The following SLC22A23 variants were observed in gnomAD, a reference collection of about 807,000 sequenced individuals.
The protein encoded by SLC22A23 is solute carrier family 22 member 23.
Under a neutral mutation model 61.0 loss-of-function variants are expected in SLC22A23, and 26 were observed. The observed-to-expected ratio is 0.43, with a 90% CI of 0.31 to 0.59. The LOEUF (loss-of-function observed/expected upper bound fraction) is 0.59, where lower values mean the gene tolerates loss of function less well. SLC22A23 is among the 20% of genes least tolerant of loss of function. SLC22A23 has a pLI of 0.11. For missense variants in SLC22A23, 796 were observed against 934.7 expected (o/e 0.85, Z 1.94); for synonymous variants, 430 against 413.9 (o/e 1.04, Z -0.47).
Position 3,341,092 on chromosome 6 carries a change from C to T in SLC22A23, c.914-17090G>A, listed in dbSNP as rs79667344. ...CTCCTGGCTCTGAAGGACACACATTCGGAACATACAGCATTTAATATAGAG... is the reference window on the plus strand; with the variant it reads ...CTCCTGGCTCTGAAGGACACACATTTGGAACATACAGCATTTAATATAGAG... On this transcript the variant is annotated intron_variant, in intron 3 of 9. Coordinates refer to ENST00000406686, the MANE Select transcript of SLC22A23 (RefSeq NM_015482.2). Among the ~76,000 whole-genome samples the T allele has an allele frequency of 3.7e-3, 568 of 152,262 alleles. 2 individuals are homozygous for T. The highest frequency in any genetic ancestry group is 6.8e-3 in the Middle Eastern group (2 of 294).
rs762038656 is a variant in SLC22A23, at chr6:3,289,825, T to G, written c.1252A>C (p.Ile418Leu). 2 of 1,614,032 alleles carry G rather than the reference T, an allele frequency of 1.2e-6. No individual in the cohort carries two copies. Among genetic ancestry groups the G allele is most frequent in the South Asian group, 2.2e-5 (2 of 91,088 alleles). ...ELSRRPKKVC[I>L]VKVVGTRNLW... ...TTCCGTGTCCCCACCACCTTCACGA[T>G]GCAGACCTTCTTGGGCCTCCGGGAA... is the stretch of plus-strand genomic sequence containing the variant. The change falls in exon 6 of 10, where the codon ATC (isoleucine) becomes CTC (leucine). Residue 418 changes from isoleucine to leucine, a missense_variant. By Grantham distance (5) the Ile-to-Leu change is conservative (BLOSUM62 2). Transcript: ENST00000406686.
intron 3 of SLC22A23, among the ~76,000 whole-genome samples, chr6:3,338,722 C>A (rs1408273201): frequency 6.6e-6 from 1 of 152,232 alleles, no homozygotes; most frequent in African/African-American, 2.4e-5. Flanking sequence ...TTTACCACTT[C>A]ATAATTATGT....
At chr6:3,429,878 G>A (rs559241544) in intron 1 of SLC22A23, among the ~76,000 whole-genome samples, 1 of 152,298 alleles carries the variant, frequency 6.6e-6, no homozygotes, top group African/African-American at 2.4e-5. Flanking sequence ...AGTAGAATGG[G>A]GGTTACCAGG....
At chr6:3,425,285 C>CTTTTTTTTT (rs33955202) in intron 1 of SLC22A23, among the ~76,000 whole-genome samples, 1 of 115,838 alleles carries the variant, frequency 8.6e-6, no homozygotes, top group Non-Finnish European at 1.7e-5. Flanking sequence ...ATGAATAATT[C>CTTTTTTTTT]TTTTTTTTTT....
intron 2 of SLC22A23, among the ~76,000 whole-genome samples, chr6:3,411,865 G>A (rs1000624867): frequency 6.6e-6 from 1 of 152,204 alleles, no homozygotes; most frequent in African/African-American, 2.4e-5. Context: ...GGATCAGGAA[G>A]CCCTTACCAG....
chr6:3,356,685 A>G (rs146192733), intron 3 of SLC22A23, among the ~76,000 whole-genome samples: 1 of 152,264 alleles, frequency 6.6e-6, no homozygotes, highest in East Asian at 1.9e-4. Context: ...TTATTGGCTC[A>G]GCAGTGAGAT....
Position 3,324,156 on chromosome 6 carries a change from T to A in SLC22A23, c.914-154A>T. 1 of 907,758 alleles carries A rather than the reference T, an allele frequency of 1.1e-6. No homozygotes were observed. Among genetic ancestry groups the A allele is most frequent in the Non-Finnish European group, 1.6e-6 (1 of 608,190 alleles). The allele number at this position is 907,758 out of a possible 1,614,324, so 56.2% of individuals were successfully genotyped here. A position where few individuals can be genotyped will look rare whatever the true frequency, so the allele number is the denominator to read the frequency against. The stretch of plus-strand genomic sequence containing the variant: ...ACAAGTGCCCTATGTGGTGTGCCAG[T>A]GTTTTACGGGCGCGTTGAGGCTCCA... On this transcript the variant is annotated intron_variant, in intron 3 of 9. Transcript: ENST00000406686. The surrounding 1 kb of genome is among the most constrained non-coding windows in gnomAD (Gnocchi z 4.3).
Position 3,372,259 on chromosome 6 carries a change from A to G in SLC22A23, c.913+37929T>C, listed in dbSNP as rs1766267483. On this transcript the variant is annotated intron_variant, in intron 3 of 9. Transcript: ENST00000406686. The surrounding 1 kb of genome is among the most constrained non-coding windows in gnomAD (Gnocchi z 4.7). ...GAAGCAGGGTAAACACCATCGGGCC[A>G]GTAAATCTTGTCCATCTAGTGTTTC... 6.6e-6 allele frequency among the ~76,000 whole-genome samples: 1 copy of G among 152,246 alleles called. No homozygotes were observed. The highest frequency in any genetic ancestry group is 2.4e-5 in the African/African-American group (1 of 41,468).
chr6:3,375,610 T>C (rs529738365), intron 3 of SLC22A23, among the ~76,000 whole-genome samples: 1 of 152,228 alleles, frequency 6.6e-6, no homozygotes, highest in Non-Finnish European at 1.5e-5. Context: ...TACAGCTTTG[T>C]GTATAGTCTC....
In SLC22A23 at chr6:3,318,084, A is replaced by G. The variant is rs116114933; in HGVS notation, c.1082+5750T>C. 7.7e-3 allele frequency among the ~76,000 whole-genome samples: 1,167 copies of G among 152,258 alleles called. 16 individuals carry two copies. The highest frequency in any genetic ancestry group is 0.027 in the African/African-American group (1,129 of 41,538). Reference sequence around the variant, plus strand: ...AAGTCCCTGTCCAGTCTCTGGGTGCATCATGCTGCTGCCACCTTTTCCTGG... The same window carrying G: ...AAGTCCCTGTCCAGTCTCTGGGTGCGTCATGCTGCTGCCACCTTTTCCTGG... On this transcript the variant is annotated intron_variant, in intron 4 of 9. Coordinates refer to ENST00000406686, the MANE Select transcript of SLC22A23 (RefSeq NM_015482.2). This position sits in a 1 kb window ranked among gnomAD's most constrained non-coding sequence, Gnocchi z 4.3.
At chr6:3,375,662 T>A (rs1447086481) in intron 3 of SLC22A23, among the ~76,000 whole-genome samples, 1 of 152,204 alleles carries the variant, frequency 6.6e-6, no homozygotes, top group African/African-American at 2.4e-5. Flanking sequence ...TGTGTATATC[T>A]GTGTTGAATA....
intron 3 of SLC22A23, among the ~76,000 whole-genome samples, chr6:3,356,100 C>CGG (rs1304661025): frequency 1.5e-3 from 1 of 674 alleles, no homozygotes; most frequent in African/African-American, 7.9e-3. Flanking sequence ...CGGGAGGAGG[C>CGG]GGGGGTGGGT....
intron 3 of SLC22A23, among the ~76,000 whole-genome samples, chr6:3,374,977 T>C (rs769751026): frequency 1.3e-5 from 2 of 152,174 alleles, no homozygotes; most frequent in Non-Finnish European, 2.9e-5. Context: ...TGGTAGCTCA[T>C]TAACAGTGGC....
rs913402557 is a variant in SLC22A23, at chr6:3,427,498, G to T, written c.655-11643C>A. On this transcript the variant is annotated intron_variant, in intron 1 of 9. Coordinates refer to ENST00000406686, the MANE Select transcript of SLC22A23 (RefSeq NM_015482.2). The surrounding 1 kb of genome is among the most constrained non-coding windows in gnomAD (Gnocchi z 4.3). Reference sequence around the variant, plus strand: ...CACCAGATTAGAAAGTGGGCCAGACGAGGATGGAAGACGCCCTCCAGGGAG... The same window carrying T: ...CACCAGATTAGAAAGTGGGCCAGACTAGGATGGAAGACGCCCTCCAGGGAG... Among the ~76,000 whole-genome samples, 50 of 152,224 alleles carry T rather than the reference G, an allele frequency of 3.3e-4. No homozygotes were observed. Among genetic ancestry groups the T allele is most frequent in the African/African-American group, 1.1e-3 (44 of 41,546 alleles).
chr6:3,456,499 C>T lies in SLC22A23; in HGVS notation c.61G>A (p.Ala21Thr), dbSNP rs1772417723. 8.4e-6 allele frequency: 9 copies of T among 1,075,098 alleles called. No homozygotes were observed. Among genetic ancestry groups the T allele is most frequent in the African/African-American group, 1.7e-5 (1 of 58,918 alleles). 66.6% of individuals were successfully genotyped at this position (1,075,098 alleles called of 1,614,324 possible). ...GGCGGCAGGGAGCCGTTCTCCTCGG[C>T]CGGGGCCGGCTGCCGCCCAGGCCCG... ...GGGPGRQPAP[A>T]EENGSLPPGD... is the part of the protein sequence containing the mutation. The change falls in exon 1 of 10, where the codon GCC (alanine) becomes ACC (threonine). Residue 21 changes from alanine to threonine, a missense_variant. By Grantham distance (58) the Ala-to-Thr change is moderately conservative (BLOSUM62 0). Coordinates refer to ENST00000406686, the MANE Select transcript of SLC22A23 (RefSeq NM_015482.2). The surrounding 1 kb of genome is among the most constrained non-coding windows in gnomAD (Gnocchi z 7.1).
At chr6:3,307,610 G>C (rs1351741304) in intron 4 of SLC22A23, among the ~76,000 whole-genome samples, 1 of 152,254 alleles carries the variant, frequency 6.6e-6, no homozygotes. Context: ...CGTCCAATAT[G>C]GACGTATCTC....
chr6:3,431,066 CAAAAAA>C (rs751754256), intron 1 of SLC22A23, among the ~76,000 whole-genome samples: 2 of 129,462 alleles, frequency 1.5e-5, no homozygotes, highest in African/African-American at 6.1e-5. Flanking sequence ...AACTCCGTCT[CAAAAAA>C]AAAAAAAAAA....
chr6:3,446,916 C>T (rs189696328), intron 1 of SLC22A23, among the ~76,000 whole-genome samples: 1 of 152,260 alleles, frequency 6.6e-6, no homozygotes, highest in Admixed American at 6.5e-5. Flanking sequence ...GTGTCTGCCT[C>T]CCCGTCAGCC....
intron 3 of SLC22A23, among the ~76,000 whole-genome samples, chr6:3,392,673 G>A (rs576456896): frequency 6.6e-6 from 1 of 152,200 alleles, no homozygotes; most frequent in Non-Finnish European, 1.5e-5. Flanking sequence ...GCTGATCAAG[G>A]GAGAGAGAGA....
Sources: allele counts gnomAD v4.1 joint callset (sites outside exome capture counted in the v4.1 genomes callset), GRCh38; gene constraint gnomAD v4.1.1; non-coding constraint Gnocchi (gnomAD v3.1); transcripts MANE v1.5; gene names NCBI Gene and HGNC (gene_info 2026-07-23, HGNC 2026-07-21).